Variants in ADAMTSL1 observed in about 807,000 individuals in gnomAD.
The protein encoded by ADAMTSL1 is ADAMTS like 1, also known as ADAMTS-like protein 1.
ADAMTSL1 carries 126 observed loss-of-function variants against 201.8 expected under a neutral mutation model. The ratio of observed to expected loss-of-function variants is 0.62; its 90% CI spans 0.54 to 0.72. The LOEUF (loss-of-function observed/expected upper bound fraction) is 0.72, where lower values mean the gene tolerates loss of function less well. Ranked by LOEUF, ADAMTSL1 falls within the 30% of genes least tolerant of loss-of-function variation. The probability of loss-of-function intolerance (pLI) is 0.00; values close to 1 mark genes in which losing one functional copy is unlikely to be tolerated. For synonymous variants in ADAMTSL1, 1,121 were observed against 903.4 expected (o/e 1.24, Z -4.32); for missense variants, 2,679 against 2,277.8 (o/e 1.18, Z -3.59).
chr9:17,995,406 A>AG (rs143796135), intron 1 of ADAMTSL1, among the ~76,000 whole-genome samples: 98 of 152,266 alleles, frequency 6.4e-4, no homozygotes, highest in African/African-American at 2.3e-3. Flanking sequence ...TGGCAAAAGA[A>AG]GGGCAACTAG....
chr9:18,083,250 A>G (rs958189754), intron 1 of ADAMTSL1, among the ~76,000 whole-genome samples: 12 of 152,328 alleles, frequency 7.9e-5, no homozygotes, highest in African/African-American at 2.9e-4. Flanking sequence ...TGGAAAGATG[A>G]TGGTAAGTAG....
intron 7 of ADAMTSL1, among the ~76,000 whole-genome samples, chr9:18,655,246 A>ATAAT (rs1049282322): frequency 6.6e-6 from 1 of 152,196 alleles, no homozygotes; most frequent in African/African-American, 2.4e-5. Context: ...AAGCTCAACC[A>ATAAT]TAACCCCCCA....
At chr9:18,701,940 C>G (rs1163960067) in intron 13 of ADAMTSL1, among the ~76,000 whole-genome samples, 1 of 152,170 alleles carries the variant, frequency 6.6e-6, no homozygotes, top group East Asian at 1.9e-4. Flanking sequence ...ATCTCTGAGA[C>G]TGGGCAATTT....
intron 23 of ADAMTSL1, among the ~76,000 whole-genome samples, chr9:18,850,114 G>A (rs1471511583): frequency 6.6e-6 from 1 of 152,222 alleles, no homozygotes; most frequent in African/African-American, 2.4e-5. Flanking sequence ...GCCATAGCGA[G>A]CACCCAGGCA....
chr9:18,835,944 G>C (rs1825285269), intron 23 of ADAMTSL1, among the ~76,000 whole-genome samples: 1 of 152,134 alleles, frequency 6.6e-6, no homozygotes, highest in Admixed American at 6.5e-5. Context: ...CTTTGCTACT[G>C]TGAATAGTGC....
intron 1 of ADAMTSL1, among the ~76,000 whole-genome samples, chr9:18,074,782 G>A (rs1197007541): frequency 6.6e-6 from 1 of 151,744 alleles, no homozygotes; most frequent in African/African-American, 2.4e-5. Context: ...GTAGAGATGG[G>A]GTTACACCAT....
chr9:18,727,293 A>G (rs934786769), intron 15 of ADAMTSL1, among the ~76,000 whole-genome samples: 1 of 152,166 alleles, frequency 6.6e-6, no homozygotes, highest in African/African-American at 2.4e-5. Flanking sequence ...CTTCTGCTGT[A>G]CTCCTAAATT....
At chr9:17,958,277 C>T (rs1243852552) in intron 1 of ADAMTSL1, among the ~76,000 whole-genome samples, 1 of 152,122 alleles carries the variant, frequency 6.6e-6, no homozygotes, top group Non-Finnish European at 1.5e-5. Flanking sequence ...TACAGAAAAA[C>T]AGGGTCCCAA....
chr9:18,566,144 ATTT>A (rs991263179), intron 3 of ADAMTSL1, among the ~76,000 whole-genome samples: 1 of 151,990 alleles, frequency 6.6e-6, no homozygotes, highest in African/African-American at 2.4e-5. Context: ...ATTCTCGTAA[ATTT>A]TTTTTGAAAG....
intron 1 of ADAMTSL1, among the ~76,000 whole-genome samples, chr9:18,148,273 A>G (rs1039823950): frequency 6.6e-6 from 1 of 151,058 alleles, no homozygotes; most frequent in African/African-American, 2.4e-5. Flanking sequence ...GGAACATCCT[A>G]TTTTCAGTTT....
chr9:18,647,509 C>A (rs1337041095), intron 7 of ADAMTSL1, among the ~76,000 whole-genome samples: 1 of 151,998 alleles, frequency 6.6e-6, no homozygotes, highest in African/African-American at 2.4e-5. Context: ...TTCCTACTTT[C>A]TCTTGTGGGC....
chr9:18,427,037 G>C (rs936106898), intron 2 of ADAMTSL1, among the ~76,000 whole-genome samples: 2 of 152,140 alleles, frequency 1.3e-5, no homozygotes, highest in African/African-American at 4.8e-5. Context: ...CAGCTCTCTT[G>C]ACAGACTTTA....
chr9:18,248,976 C>A lies in ADAMTSL1; in HGVS notation c.207+84995C>A, dbSNP rs1055353823. Reference sequence around the variant, plus strand: ...CACCGTTCTGTACCCTGTACACAGTCTGAAAATCCATTTGAGTTTTTGGAT... The same window carrying A: ...CACCGTTCTGTACCCTGTACACAGTATGAAAATCCATTTGAGTTTTTGGAT... On this transcript the variant is annotated intron_variant, in intron 2 of 29. Coordinates refer to the ADAMTSL1 transcript ENST00000680146. Among the ~76,000 whole-genome samples, 10 of 152,284 alleles carry A rather than the reference C, an allele frequency of 6.6e-5. No individual in the cohort carries two copies. The South Asian group carries it at 2.1e-3, about 32-fold the overall frequency.
chr9:17,916,877 C>T (rs1563893123), intron 1 of ADAMTSL1, among the ~76,000 whole-genome samples: 4 of 152,016 alleles, frequency 2.6e-5, no homozygotes, highest in South Asian at 2.1e-4. Context: ...AGAGAATTGT[C>T]GTTTTACTAA....
In ADAMTSL1 at chr9:18,853,889, C is replaced by CTGTGTGTG. The variant is rs71333070; in HGVS notation, c.4249+23935_4249+23942dup. Among the ~76,000 whole-genome samples, 261 of 120,340 alleles carry CTGTGTGTG rather than the reference C, an allele frequency of 2.2e-3. 1 individual carries two copies. The highest frequency in any genetic ancestry group is 0.013 in the South Asian group (43 of 3,208). 78.9% of individuals were successfully genotyped at this position (120,340 alleles called of 152,430 possible). A position where few individuals can be genotyped will look rare whatever the true frequency, so the allele number is the denominator to read the frequency against. ...TGTGGAGTCTACTTGTATTCACTCT[C>CTGTGTGTG]TGTGTGTGTGTGTGTGTGTGTGTGT... On this transcript the variant is annotated intron_variant, in intron 23 of 28. Coordinates refer to ENST00000380548, the MANE Select transcript of ADAMTSL1 (RefSeq NM_001040272.6).
intron 19 of ADAMTSL1, among the ~76,000 whole-genome samples, chr9:18,787,418 A>G (rs2033542): frequency 0.24 from 36,792 of 152,060 alleles, 5,062 homozygotes; most frequent in Admixed American, 0.35. Flanking sequence ...GTCAGGCACT[A>G]TCTATTCCCT....
At chr9:18,546,350 C>A (rs377695004) in intron 3 of ADAMTSL1, among the ~76,000 whole-genome samples, 1 of 151,964 alleles carries the variant, frequency 6.6e-6, no homozygotes, top group Non-Finnish European at 1.5e-5. Context: ...TCTTGCCTGT[C>A]CCCCAGGCTG....
At chr9:18,500,265 G>A (rs1359627504) in intron 1 of ADAMTSL1, among the ~76,000 whole-genome samples, 7 of 152,230 alleles carry the variant, frequency 4.6e-5, no homozygotes, top group African/African-American at 1.4e-4. Context: ...TGTAAACCAC[G>A]TTTAGATAAG....
chr9:18,166,733 C>A (rs139522668), intron 2 of ADAMTSL1, among the ~76,000 whole-genome samples: 1 of 151,952 alleles, frequency 6.6e-6, no homozygotes, highest in African/African-American at 2.4e-5. Flanking sequence ...TCTCTCACAC[C>A]CTTTCTTTAC....
Sources: gnomAD v4.1 joint callset for allele counts (sites outside exome capture counted in the v4.1 genomes callset) on GRCh38, gnomAD v4.1.1 for gene constraint, MANE v1.5 for transcripts, NCBI Gene and HGNC (gene_info 2026-07-23, HGNC 2026-07-21) for gene names.